Variants in UBE2D4 observed in about 807,000 individuals in gnomAD.
The protein encoded by UBE2D4 is ubiquitin conjugating enzyme E2 D4, also known as ubiquitin-conjugating enzyme E2 D4.
A neutral mutation model predicts 23.0 loss-of-function variants in UBE2D4; 17 were observed. That is an observed-to-expected ratio of 0.74 (90% CI 0.51 to 1.11). The LOEUF is 1.11. UBE2D4 is among the 50% of genes least tolerant of loss of function. The probability of loss-of-function intolerance (pLI) is 0.00; values close to 1 mark genes in which losing one functional copy is unlikely to be tolerated. For synonymous variants in UBE2D4, 61 were observed against 69.4 expected (o/e 0.88, Z 0.60); for missense variants, 139 against 181.8 (o/e 0.76, Z 1.35).
rs564766751 is a variant in UBE2D4 at position 43,930,869 on chromosome 7, C to T, written c.24+4313C>T. Among the ~76,000 whole-genome samples, 21 of 152,232 alleles carry T rather than the reference C, an allele frequency of 1.4e-4. No homozygotes were observed. In the South Asian group the frequency reaches 4.4e-3, roughly 32 times the overall value. On this transcript the variant is annotated intron_variant, in intron 1 of 6. Coordinates refer to ENST00000222402, the MANE Select transcript of UBE2D4 (RefSeq NM_015983.4). ...GGAAATACCTGGCCAGGCACAGTGG[C>T]TCATGTCTGTAATCCCAGCATTTTG...
chr7:43,939,362 G>A (rs928404009), intron 2 of UBE2D4, among the ~76,000 whole-genome samples: 5 of 152,254 alleles, frequency 3.3e-5, no homozygotes. Context: ...CCTGTTCCAG[G>A]CCTCTGCTGT....
chr7:43,950,073 C>T (rs1040688638), intron 5 of UBE2D4, among the ~76,000 whole-genome samples: 15 of 152,210 alleles, frequency 9.9e-5, no homozygotes, highest in African/African-American at 3.4e-4. Flanking sequence ...TCAGGCTGGT[C>T]TTGAACTCCC....
chr7:43,945,536 G>C (rs1267907711), intron 4 of UBE2D4, among the ~76,000 whole-genome samples: 1 of 152,134 alleles, frequency 6.6e-6, no homozygotes, highest in Non-Finnish European at 1.5e-5. Flanking sequence ...TATTGAGGCA[G>C]ATACTTAATG....
At chr7:43,939,394 G>A (rs1220398853) in intron 2 of UBE2D4, among the ~76,000 whole-genome samples, 1 of 152,268 alleles carries the variant, frequency 6.6e-6, no homozygotes, top group Non-Finnish European at 1.5e-5. Context: ...GCTGGCCGAG[G>A]CTGAGCTGCC....
In UBE2D4 at chr7:43,950,624, C is replaced by T. The variant is rs1417323561; in HGVS notation, c.330C>T (p.Leu110=). 1.2e-6 allele frequency: 2 copies of T among 1,614,238 alleles called. No individual in the cohort carries two copies. Among genetic ancestry groups the T allele is most frequent in the East Asian group, 4.5e-5 (2 of 44,890 alleles). Residue 110 remains leucine (L), a synonymous_variant, in exon 6 of 7, where the codon CTC becomes CTT. Coordinates refer to ENST00000222402, the MANE Select transcript of UBE2D4 (RefSeq NM_015983.4). ...SKVLLSICSL[L]CDPNPDDPLV... The stretch of plus-strand genomic sequence containing the variant: ...TTCTCTTGTCCATCTGCTCGCTGCT[C>T]TGCGACCCCAACCCCGATGACCCCC...
At chr7:43,950,822 G>C in intron 6 of UBE2D4, 130 bp downstream of exon 6, 1 of 728,032 alleles carries the variant, frequency 1.4e-6, no homozygotes, top group South Asian at 1.6e-5. Context: ...GCTGAGCCAT[G>C]TGCACAGAGG....
chr7:43,931,439 A>G (rs2132752207), intron 1 of UBE2D4, among the ~76,000 whole-genome samples: 1 of 152,284 alleles, frequency 6.6e-6, no homozygotes, highest in Non-Finnish European at 1.5e-5. Context: ...GTAAGACCGT[A>G]TCTTAAAAAA....
Position 43,942,666 on chromosome 7 carries a change from T to C in UBE2D4, c.89-160T>C, listed in dbSNP as rs1314016080. On this transcript the variant is annotated intron_variant, in intron 2 of 6. Transcript: ENST00000222402. The stretch of plus-strand genomic sequence containing the variant: ...GAGCTCTGGGAGTCCTAGGCAGTTA[T>C]TGCATCTTGGGTGGTTTGGGGAACC... 1.3e-5 allele frequency: 12 copies of C among 907,862 alleles called. No homozygotes were observed. The Admixed American group carries it at 2.3e-4, about 18-fold the overall frequency. The allele number at this position is 907,862 out of a possible 1,614,324, so 56.2% of individuals were successfully genotyped here. A position where few individuals can be genotyped will look rare whatever the true frequency, so the allele number is the denominator to read the frequency against.
chr7:43,948,081 T>C (rs1344294777), intron 4 of UBE2D4, among the ~76,000 whole-genome samples: 1 of 152,226 alleles, frequency 6.6e-6, no homozygotes, highest in Admixed American at 6.5e-5. Flanking sequence ...CTTTGTAGAT[T>C]CTGGATATTA....
At chr7:43,943,638 C>G (rs896948875) in intron 4 of UBE2D4, 2 of 156,536 alleles carry the variant, frequency 1.3e-5, no homozygotes, top group Admixed American at 6.1e-5. Flanking sequence ...AATAGCAAGC[C>G]TCCTTTGCCC....
intron 2 of UBE2D4, chr7:43,942,554 T>C: frequency 3.4e-6 from 2 of 588,200 alleles, no homozygotes; most frequent in Middle Eastern, 4.5e-4. Context: ...GAGAGAAGAA[T>C]AGAAACTCTG....
intron 4 of UBE2D4, among the ~76,000 whole-genome samples, chr7:43,945,618 C>T (rs149319190): frequency 6.6e-6 from 1 of 151,964 alleles, no homozygotes; most frequent in East Asian, 1.9e-4. Context: ...GCACACAACT[C>T]TCTTCTCATA....
intron 6 of UBE2D4, chr7:43,951,914 T>G (rs1323098070): frequency 6.6e-6 from 1 of 152,250 alleles, no homozygotes; most frequent in African/African-American, 2.4e-5. Context: ...TCAAAATTTT[T>G]AATTGACTGG....
chr7:43,953,265 C>T lies in UBE2D4; in HGVS notation c.*570C>T. On this transcript the variant is annotated 3_prime_UTR_variant, in exon 7 of 7. Coordinates refer to ENST00000222402, the MANE Select transcript of UBE2D4 (RefSeq NM_015983.4). The stretch of plus-strand genomic sequence containing the variant: ...GCCCTGTGGCTTCCACCAGTCTCCT[C>T]CTGCAGTGCCACGTGGTGGCATTTC... The T allele has an allele frequency of 2.2e-6, 1 of 451,896 alleles. No individual in the cohort carries two copies. The highest frequency in any genetic ancestry group is 2.4e-5 in the Admixed American group (1 of 41,684). 28.0% of individuals were successfully genotyped at this position (451,896 alleles called of 1,614,324 possible). A position where few individuals can be genotyped will look rare whatever the true frequency, so the allele number is the denominator to read the frequency against.
intron 3 of UBE2D4, 44 bp downstream of exon 3, chr7:43,942,901 G>T (rs1261219195): frequency 1.2e-5 from 19 of 1,614,016 alleles, no homozygotes; most frequent in Non-Finnish European, 1.6e-5. Context: ...TTTGCTTCTT[G>T]CACTTTGGGC....
intron 1 of UBE2D4, among the ~76,000 whole-genome samples, chr7:43,926,797 C>T (rs2095932170): frequency 6.6e-6 from 1 of 152,226 alleles, no homozygotes; most frequent in Non-Finnish European, 1.5e-5. Context: ...GCGGGCGGGG[C>T]GCCGTGGGGC....
chr7:43,940,621 C>T (rs1360886894), intron 2 of UBE2D4, among the ~76,000 whole-genome samples: 1 of 152,176 alleles, frequency 6.6e-6, no homozygotes, highest in Admixed American at 6.5e-5. Flanking sequence ...CATGGGCTCA[C>T]AGCCATTTCC....
intron 1 of UBE2D4, among the ~76,000 whole-genome samples, chr7:43,937,716 G>T (rs2095961587): frequency 2.0e-5 from 3 of 152,194 alleles, no homozygotes; most frequent in Admixed American, 2.0e-4. Flanking sequence ...GAAATGATCA[G>T]CATGTCCAGA....
intron 1 of UBE2D4, among the ~76,000 whole-genome samples, chr7:43,931,343 G>A (rs1023964585): frequency 2.0e-5 from 3 of 152,130 alleles, no homozygotes; most frequent in African/African-American, 7.2e-5. Flanking sequence ...TCAGGTGGCT[G>A]AGGTGGAAGG....
Sources: allele counts gnomAD v4.1 joint callset (sites outside exome capture counted in the v4.1 genomes callset), GRCh38; gene constraint gnomAD v4.1.1; transcripts MANE v1.5; gene names NCBI Gene and HGNC (gene_info 2026-07-23, HGNC 2026-07-21).